XKR9: variants seen among roughly 807,000 people sequenced by gnomAD.
The protein encoded by XKR9 is XK related 9.
In XKR9, 32 loss-of-function variants were observed where a neutral mutation model predicts 32.0. The ratio of observed to expected loss-of-function variants is 1.00; its 90% CI spans 0.76 to 1.34. The LOEUF (loss-of-function observed/expected upper bound fraction) is 1.34, where lower values mean the gene tolerates loss of function less well. XKR9 is among the 40% of genes most tolerant of loss of function. The pLI, the probability that XKR9 is intolerant of heterozygous loss-of-function variation, is 0.00. For synonymous variants in XKR9, 168 were observed against 143.4 expected (o/e 1.17, Z -1.22); for missense variants, 546 against 429.7 (o/e 1.27, Z -2.39).
the XKR9 span, among the ~76,000 whole-genome samples, chr8:70,851,990 A>C: frequency 6.6e-6 from 1 of 152,246 alleles, no homozygotes; most frequent in Non-Finnish European, 1.5e-5. Flanking sequence ...ATCAAAGTGA[A>C]CAGGCAATCT....
chr8:70,842,949 A>G, the XKR9 span, among the ~76,000 whole-genome samples: 1 of 152,188 alleles, frequency 6.6e-6, no homozygotes, highest in Non-Finnish European at 1.5e-5. Flanking sequence ...AAGGAAGGAA[A>G]GAAGAAAAAA....
intron 3 of XKR9, among the ~76,000 whole-genome samples, chr8:70,681,921 G>C (rs1366436366): frequency 6.6e-6 from 1 of 151,916 alleles, no homozygotes; most frequent in Non-Finnish European, 1.5e-5. Flanking sequence ...ATTCTGTCCT[G>C]TTAAAAAGCA....
chr8:70,850,716 G>A, the XKR9 span, among the ~76,000 whole-genome samples: 1 of 151,568 alleles, frequency 6.6e-6, no homozygotes, highest in Non-Finnish European at 1.5e-5. Flanking sequence ...TGCAGAAAAG[G>A]CAATAAAATT....
At chr8:70,947,384 A>G in the XKR9 span, among the ~76,000 whole-genome samples, 63,713 of 152,072 alleles carry the variant, frequency 0.42, 14,402 homozygotes, top group Non-Finnish European at 0.52. Flanking sequence ...AGAAAGTTCA[A>G]ACAAGGAGAC....
chr8:70,751,715 A>T (rs1441963003), intron 2 of XKR9, among the ~76,000 whole-genome samples: 1 of 152,084 alleles, frequency 6.6e-6, no homozygotes, highest in East Asian at 1.9e-4. Context: ...AGTTCTCTGG[A>T]CTTTGGACTC....
the XKR9 span, among the ~76,000 whole-genome samples, chr8:70,821,868 G>A: frequency 2.4e-4 from 36 of 152,276 alleles, no homozygotes; most frequent in African/African-American, 7.0e-4. Context: ...AGGGGCTGCC[G>A]TGAAGGTCTC....
the XKR9 span, among the ~76,000 whole-genome samples, chr8:70,924,352 A>G: frequency 6.6e-6 from 1 of 152,198 alleles, no homozygotes; most frequent in Non-Finnish European, 1.5e-5. Flanking sequence ...AAATACCACA[A>G]GATTTACTTC....
rs1375823034 is a variant in XKR9 at position 70,735,111 on chromosome 8, G to A, written c.*687G>A. Reference sequence around the variant, plus strand: ...ATTATTTTTATTTTTAAAAAATTATGGTAAAAACATATAAAATTTACCATC... The same window carrying A: ...ATTATTTTTATTTTTAAAAAATTATAGTAAAAACATATAAAATTTACCATC... On this transcript the variant is annotated 3_prime_UTR_variant, in exon 5 of 5. Coordinates refer to ENST00000408926, the MANE Select transcript of XKR9 (RefSeq NM_001011720.2). 4 of 151,876 alleles carry A rather than the reference G, an allele frequency of 2.6e-5. No individual in the cohort carries two copies. In the East Asian group the frequency reaches 7.7e-4, roughly 29 times the overall value. 9.4% of individuals were successfully genotyped at this position (151,876 alleles called of 1,614,324 possible).
the XKR9 span, among the ~76,000 whole-genome samples, chr8:70,806,486 G>A: frequency 6.6e-6 from 1 of 152,202 alleles, no homozygotes; most frequent in African/African-American, 2.4e-5. Flanking sequence ...AAAAGATCAA[G>A]TTCTAACCCA....
At chr8:70,814,305 AG>A in the XKR9 span, among the ~76,000 whole-genome samples, 1 of 151,894 alleles carries the variant, frequency 6.6e-6, no homozygotes, top group African/African-American at 2.4e-5. Context: ...GGTGGGGGAA[AG>A]GGGGAGGGAT....
At chr8:70,869,510 GC>G in the XKR9 span, among the ~76,000 whole-genome samples, 12 of 152,196 alleles carry the variant, frequency 7.9e-5, no homozygotes, top group East Asian at 2.3e-3. Flanking sequence ...GAAAAAACCT[GC>G]CCCCATGATT....
At chr8:70,711,358 AG>A (rs921225038) in intron 4 of XKR9, among the ~76,000 whole-genome samples, 2 of 152,242 alleles carry the variant, frequency 1.3e-5, no homozygotes, top group Non-Finnish European at 1.5e-5. Context: ...ACAATAGCAA[AG>A]ACATGGAATC....
intron 3 of XKR9, among the ~76,000 whole-genome samples, chr8:70,686,040 T>C (rs1468712234): frequency 6.6e-6 from 1 of 151,962 alleles, no homozygotes; most frequent in Admixed American, 6.6e-5. Flanking sequence ...ACCTGTAACA[T>C]TTTCCTTTTC....
At chr8:71,044,123 G>A in the XKR9 span, among the ~76,000 whole-genome samples, 1 of 152,190 alleles carries the variant, frequency 6.6e-6, no homozygotes, top group Non-Finnish European at 1.5e-5. Flanking sequence ...CTGAACATAT[G>A]CTTATGCCTC....
At chr8:70,749,719 C>T (rs753681687) in intron 2 of XKR9, among the ~76,000 whole-genome samples, 6 of 152,176 alleles carry the variant, frequency 3.9e-5, no homozygotes, top group South Asian at 2.1e-4. Context: ...TTGGGTGGAA[C>T]GAACCCAGCA....
chr8:70,856,146 A>G, the XKR9 span, among the ~76,000 whole-genome samples: 1 of 152,208 alleles, frequency 6.6e-6, no homozygotes, highest in Non-Finnish European at 1.5e-5. Flanking sequence ...TTAAATATAA[A>G]TGGGCGAAAT....
chr8:70,826,094 T>A, the XKR9 span, among the ~76,000 whole-genome samples: 1 of 152,120 alleles, frequency 6.6e-6, no homozygotes, highest in Non-Finnish European at 1.5e-5. Flanking sequence ...GTGAGGTTTT[T>A]ACTCACTTTA....
chr8:70,811,708 C>T, the XKR9 span, among the ~76,000 whole-genome samples: 1 of 152,164 alleles, frequency 6.6e-6, no homozygotes, highest in Non-Finnish European at 1.5e-5. Flanking sequence ...GGATAAATTC[C>T]TCAACACATA....
At chr8:70,798,169 A>G in the XKR9 span, among the ~76,000 whole-genome samples, 3 of 152,292 alleles carry the variant, frequency 2.0e-5, no homozygotes, top group African/African-American at 7.2e-5. Context: ...CATTACTACC[A>G]GCAGTGTATA....
Sources: gnomAD v4.1 joint callset for allele counts (sites outside exome capture counted in the v4.1 genomes callset) on GRCh38, gnomAD v4.1.1 for gene constraint, MANE v1.5 for transcripts, NCBI Gene and HGNC (gene_info 2026-07-23, HGNC 2026-07-21) for gene names.